Variants in RBFOX2 observed in about 807,000 individuals in gnomAD.
RBFOX2 encodes the protein RNA binding fox-1 homolog 2, also known as RNA binding protein fox-1 homolog 2.
In RBFOX2, 10 loss-of-function variants were observed where a neutral mutation model predicts 49.1. That is an observed-to-expected ratio of 0.20 (90% CI 0.13 to 0.35). RBFOX2 has a LOEUF of 0.35. RBFOX2 is among the 10% of genes least tolerant of loss of function. The pLI is 1.00. For missense variants in RBFOX2, 323 were observed against 486.9 expected (o/e 0.66, Z 3.17); for synonymous variants, 183 against 187.4 (o/e 0.98, Z 0.19).
chr22:35,980,275 T>A (rs939997900), intron 1 of RBFOX2, among the ~76,000 whole-genome samples: 1 of 152,120 alleles, frequency 6.6e-6, no homozygotes, highest in East Asian at 1.9e-4. Flanking sequence ...GGGGAATCTA[T>A]ATGAGTATAT....
At chr22:35,776,784 C>A in intron 4 of RBFOX2, among the ~76,000 whole-genome samples, 1 of 152,226 alleles carries the variant, frequency 6.6e-6, no homozygotes, top group East Asian at 1.9e-4. Context: ...TATTTATAGG[C>A]TTGGCTATGG....
chr22:35,936,237 C>CA (rs58153258), intron 1 of RBFOX2, among the ~76,000 whole-genome samples: 10,780 of 64,502 alleles, frequency 0.17, 450 homozygotes, highest in African/African-American at 0.19. Flanking sequence ...CCAACAACAA[C>CA]AAAAAAAAAA....
intron 1 of RBFOX2, chr22:35,898,107 G>A: frequency 1.3e-6 from 1 of 740,760 alleles, no homozygotes; most frequent in Non-Finnish European, 2.5e-6. Flanking sequence ...GCTAGCCCAG[G>A]TCTCCCATGG....
chr22:35,998,157 G>A (rs2058266998), intron 1 of RBFOX2: 1 of 151,878 alleles, frequency 6.6e-6, no homozygotes, highest in Non-Finnish European at 1.5e-5. Context: ...ACTAAATTCT[G>A]ATACAATTTT....
intron 2 of RBFOX2, among the ~76,000 whole-genome samples, chr22:35,791,290 C>T (rs908605985): frequency 4.0e-5 from 6 of 150,848 alleles, no homozygotes; most frequent in Admixed American, 1.3e-4. Context: ...GAGACTGAGG[C>T]AGGAGAATCA....
At chr22:35,808,287 T>C (rs1951145333) in intron 2 of RBFOX2, among the ~76,000 whole-genome samples, 2 of 151,976 alleles carry the variant, frequency 1.3e-5, no homozygotes. Flanking sequence ...GACTCTTAAA[T>C]TATCTATTGT....
intron 2 of RBFOX2, among the ~76,000 whole-genome samples, chr22:35,807,575 A>G (rs1569198567): frequency 6.6e-6 from 1 of 152,030 alleles, no homozygotes; most frequent in African/African-American, 2.4e-5. Context: ...AATATAGATC[A>G]TATTTTACGG....
intron 9 of RBFOX2, among the ~76,000 whole-genome samples, chr22:35,758,818 TATGA>T (rs142332120): frequency 6.6e-6 from 1 of 152,034 alleles, no homozygotes; most frequent in Non-Finnish European, 1.5e-5. Flanking sequence ...CCATTTGGTC[TATGA>T]ATGAATGAAT....
intron 2 of RBFOX2, among the ~76,000 whole-genome samples, chr22:35,800,216 CATA>C (rs1949516363): frequency 6.6e-6 from 1 of 152,162 alleles, no homozygotes; most frequent in African/African-American, 2.4e-5. Context: ...ATTCTACCTT[CATA>C]ATGTCTCCTG....
At chr22:35,762,769 T>C (rs1438527295) in intron 6 of RBFOX2, among the ~76,000 whole-genome samples, 1 of 152,088 alleles carries the variant, frequency 6.6e-6, no homozygotes, top group Non-Finnish European at 1.5e-5. Context: ...CCTCCCAGAG[T>C]GCTGGGGATT....
At chr22:35,946,460 T>C (rs757475572) in intron 1 of RBFOX2, among the ~76,000 whole-genome samples, 9 of 152,212 alleles carry the variant, frequency 5.9e-5, no homozygotes, top group South Asian at 2.1e-4. Flanking sequence ...AACTGTGTAA[T>C]AGATAATATC....
In RBFOX2 at chr22:35,808,650, G is replaced by A. The variant is rs1951209593; in HGVS notation, c.252+1130C>T. ...ATAGAGTGACAGGAGTTCAAAATAAGCTTGGACAACAACAAAAGGAGACCC... is the reference window on the plus strand; with the variant it reads ...ATAGAGTGACAGGAGTTCAAAATAAACTTGGACAACAACAAAAGGAGACCC... On this transcript the variant is annotated intron_variant, in intron 2 of 11. Coordinates refer to ENST00000405409, the Ensembl canonical transcript of RBFOX2. Among the ~76,000 whole-genome samples, 2 of 151,974 alleles carry A rather than the reference G, an allele frequency of 1.3e-5. 1 individual carries two copies. The highest frequency in any genetic ancestry group is 4.2e-4 in the South Asian group (2 of 4,804).
chr22:35,908,845 T>TC (rs1260970516), intron 1 of RBFOX2, among the ~76,000 whole-genome samples: 32 of 134,590 alleles, frequency 2.4e-4, no homozygotes, highest in African/African-American at 9.2e-4. Context: ...TTCTCATCTA[T>TC]TTTTTTTTTT....
At chr22:35,744,890 T>C (rs189566696) in intron 11 of RBFOX2, among the ~76,000 whole-genome samples, 5 of 152,360 alleles carry the variant, frequency 3.3e-5, no homozygotes, top group Admixed American at 1.3e-4. Context: ...TAATGGCTTA[T>C]CTCTTTCAAT....
At chr22:35,743,932 T>TA (rs1931169697) in exon 12 of RBFOX2, 3 of 184,428 alleles carry the variant, frequency 1.6e-5, no homozygotes, top group East Asian at 8.3e-5. Flanking sequence ...AATGCATTAT[T>TA]TTTTTTTTTT....
exon 12 of RBFOX2, chr22:35,740,535 C>A (rs1929404235): frequency 6.6e-6 from 1 of 152,612 alleles, no homozygotes; most frequent in South Asian, 2.1e-4. Context: ...CCCCACCCCC[C>A]AAAGTCCCTT....
intron 1 of RBFOX2, among the ~76,000 whole-genome samples, chr22:36,019,077 CTT>C (rs1190251484): frequency 6.6e-6 from 1 of 152,170 alleles, no homozygotes; most frequent in African/African-American, 2.4e-5. Context: ...CGTAACAAAA[CTT>C]ATAAAATTTG....
In RBFOX2 at chr22:35,836,347, G is replaced by A. The variant is rs1001346714; in HGVS notation, c.27+3845C>T. 7.2e-5 allele frequency: 11 copies of A among 152,300 alleles called. No homozygotes were observed. The East Asian group carries it at 7.7e-4, about 11-fold the overall frequency. The allele number at this position is 152,300 out of a possible 1,614,324, so 9.4% of individuals were successfully genotyped here. ...GCTCTCTTATCTGTCTTTAATTAAA[G>A]CATAAAATACCCTCCCTCTTCTCTT... is the stretch of plus-strand genomic sequence containing the variant. On this transcript the variant is annotated intron_variant, in intron 1 of 11. Transcript: ENST00000405409.
intron 1 of RBFOX2, among the ~76,000 whole-genome samples, chr22:35,813,967 T>A (rs1349917300): frequency 6.6e-6 from 1 of 152,204 alleles, no homozygotes; most frequent in Non-Finnish European, 1.5e-5. Context: ...TGCTTGTGCT[T>A]TATGCACTTA....
Sources: gnomAD v4.1 joint callset for allele counts (sites outside exome capture counted in the v4.1 genomes callset) on GRCh38, gnomAD v4.1.1 for gene constraint, MANE v1.5 for transcripts, NCBI Gene and HGNC (gene_info 2026-07-23, HGNC 2026-07-21) for gene names.